Variants in SUFU observed in about 807,000 individuals in gnomAD.
SUFU encodes the protein SUFU negative regulator of hedgehog signaling, also known as suppressor of fused homolog.
Under a neutral mutation model 58.9 loss-of-function variants are expected in SUFU, and 7 were observed. The ratio of observed to expected loss-of-function variants is 0.12; its 90% CI spans 0.07 to 0.22. The LOEUF (loss-of-function observed/expected upper bound fraction) is 0.22. Ranked by LOEUF, SUFU falls within the 10% of genes least tolerant of loss-of-function variation. The pLI is 1.00. For missense variants in SUFU, 451 were observed against 641.3 expected (o/e 0.70, Z 3.20); for synonymous variants, 232 against 254.8 (o/e 0.91, Z 0.85).
intron 2 of SUFU, among the ~76,000 whole-genome samples, chr10:102,540,681 A>G (rs531614992): frequency 6.6e-6 from 1 of 151,330 alleles, no homozygotes; most frequent in South Asian, 2.1e-4. Flanking sequence ...CTAAATAAAT[A>G]CTATACCCGT....
At position 102,572,850 on chromosome 10, in the gene SUFU, G is replaced by A. The variant is rs977332497; in HGVS notation, c.455-19732G>A. On this transcript the variant is annotated intron_variant, in intron 3 of 11. Transcript: ENST00000369902. ...TCTTCTCTCCATCACGCTGAATCAG[G>A]GTGTTGACCTTGGTCACATCAGTGT... The A allele has an allele frequency of 9.9e-6, 8 of 804,116 alleles. No homozygotes were observed. The Admixed American group carries it at 1.4e-4, about 14-fold the overall frequency. 49.8% of individuals were successfully genotyped at this position (804,116 alleles called of 1,614,324 possible).
At chr10:102,545,664 A>G (rs1182682755) in intron 2 of SUFU, among the ~76,000 whole-genome samples, 1 of 152,054 alleles carries the variant, frequency 6.6e-6, no homozygotes, top group Non-Finnish European at 1.5e-5. Flanking sequence ...TGTGGTTTTG[A>G]TTTGCATTTC....
At chr10:102,536,902 C>T (rs2062746145) in intron 2 of SUFU, among the ~76,000 whole-genome samples, 1 of 152,010 alleles carries the variant, frequency 6.6e-6, no homozygotes, top group Admixed American at 6.6e-5. Context: ...CTTCTGCCTC[C>T]TGGGCTCCAC....
chr10:102,547,086 A>G (rs2062863287), intron 2 of SUFU, among the ~76,000 whole-genome samples: 1 of 152,214 alleles, frequency 6.6e-6, no homozygotes, highest in African/African-American at 2.4e-5. Flanking sequence ...TCTGTTTCTC[A>G]AGTTTTTGTG....
In SUFU at chr10:102,536,745, A is replaced by C. The variant is rs560960018; in HGVS notation, c.318-13225A>C. On this transcript the variant is annotated intron_variant, in intron 2 of 11. Transcript: ENST00000369902. ...ACATTTTGAATCATACTTTATGTTGAATTTTGTTTTGTGTTTTTTCATAAC... is the reference window on the plus strand; with the variant it reads ...ACATTTTGAATCATACTTTATGTTGCATTTTGTTTTGTGTTTTTTCATAAC... Among the ~76,000 whole-genome samples the C allele has an allele frequency of 1.1e-4, 16 of 152,166 alleles. No homozygotes were observed. The East Asian group carries it at 3.1e-3, about 29-fold the overall frequency.
chr10:102,524,509 A>G (rs780590409), intron 2 of SUFU, among the ~76,000 whole-genome samples: 13 of 151,474 alleles, frequency 8.6e-5, no homozygotes, highest in Non-Finnish European at 1.8e-4. Flanking sequence ...TATTTTTTGT[A>G]GAGACGGGGT....
intron 2 of SUFU, among the ~76,000 whole-genome samples, chr10:102,538,455 T>G (rs140738932): frequency 6.6e-6 from 1 of 152,324 alleles, no homozygotes; most frequent in African/African-American, 2.4e-5. Context: ...TTCCAGGTGC[T>G]GTTCTAAGTG....
intron 2 of SUFU, among the ~76,000 whole-genome samples, chr10:102,535,092 G>A (rs1211578381): frequency 2.0e-5 from 3 of 152,178 alleles, no homozygotes; most frequent in Non-Finnish European, 4.4e-5. Flanking sequence ...AAGGAGAAGG[G>A]CTGGTTGGAA....
rs754485815 is a variant in SUFU, at chr10:102,592,735, G to A, written c.597+11G>A. 6.2e-7 allele frequency: 1 copy of A among 1,613,780 alleles called. No individual in the cohort carries two copies. The highest frequency in any genetic ancestry group is 8.5e-7 in the Non-Finnish European group (1 of 1,180,042). On this transcript the variant is annotated intron_variant, in intron 4 of 11. Transcript: ENST00000369902. ...GTTACCTTCCTCCAGGTGAGGCACAGGTTGGACGCTGGCTCAAGCCTTCCT... is the reference window on the plus strand; with the variant it reads ...GTTACCTTCCTCCAGGTGAGGCACAAGTTGGACGCTGGCTCAAGCCTTCCT...
In SUFU at chr10:102,628,298, T is replaced by C. The variant is rs892123226; in HGVS notation, c.1365+1055T>C. On this transcript the variant is annotated intron_variant, in intron 11 of 11. Transcript: ENST00000369902. The surrounding 1 kb of genome is among the most constrained non-coding windows in gnomAD (Gnocchi z 4.5). ...GGGACCGTCCAGTCCAGGTCTCCAG[T>C]TGGACAGGAACTCCCCAGAGCCAGG... 9.8e-5 allele frequency among the ~76,000 whole-genome samples: 15 copies of C among 152,290 alleles called. No individual in the cohort carries two copies. Among genetic ancestry groups the C allele is most frequent in the Admixed American group, 2.6e-4 (4 of 15,302 alleles).
chr10:102,547,646 G>A (rs902543764), intron 2 of SUFU, among the ~76,000 whole-genome samples: 14 of 152,162 alleles, frequency 9.2e-5, no homozygotes, highest in African/African-American at 2.9e-4. Context: ...AATGTGTTGA[G>A]ACCTGTCTCT....
At chr10:102,504,957 G>C (rs146428095) in intron 1 of SUFU, among the ~76,000 whole-genome samples, 1 of 152,160 alleles carries the variant, frequency 6.6e-6, no homozygotes, top group Non-Finnish European at 1.5e-5. Flanking sequence ...TGACGGAGCA[G>C]CTCTTCCTGA....
intron 1 of SUFU, among the ~76,000 whole-genome samples, chr10:102,505,726 C>T (rs1038494075): frequency 3.3e-5 from 5 of 152,170 alleles, no homozygotes; most frequent in South Asian, 4.1e-4. Flanking sequence ...TCAGAGTAGA[C>T]GGGAGGAGGT....
At chr10:102,563,042 A>G (rs1590032738) in intron 3 of SUFU, among the ~76,000 whole-genome samples, 1 of 152,116 alleles carries the variant, frequency 6.6e-6, no homozygotes, top group South Asian at 2.1e-4. Flanking sequence ...GCCCTGGAGA[A>G]CTTCCTATAG....
intron 8 of SUFU, among the ~76,000 whole-genome samples, chr10:102,612,332 A>G (rs879555344): frequency 9.2e-5 from 14 of 152,096 alleles, no homozygotes; most frequent in Admixed American, 9.2e-4. Flanking sequence ...TAAAAGATTA[A>G]AGTACAGTTT....
At chr10:102,620,709 C>T (rs1405769610) in intron 10 of SUFU, among the ~76,000 whole-genome samples, 1 of 152,184 alleles carries the variant, frequency 6.6e-6, no homozygotes, top group Non-Finnish European at 1.5e-5. Context: ...TCTGCTCCTG[C>T]ACCTCCTTCC....
chr10:102,605,667 C>T (rs551573570), intron 8 of SUFU, among the ~76,000 whole-genome samples: 4 of 152,272 alleles, frequency 2.6e-5, no homozygotes, highest in East Asian at 3.9e-4. Flanking sequence ...CCCTCTCCCT[C>T]GATCCCACAG....
At chr10:102,591,998 A>G (rs1201406819) in intron 3 of SUFU, among the ~76,000 whole-genome samples, 1 of 152,138 alleles carries the variant, frequency 6.6e-6, no homozygotes, top group Admixed American at 6.5e-5. Flanking sequence ...ACGGTGTGGG[A>G]GGCACTATTT....
At position 102,552,728 on chromosome 10, in the gene SUFU, C is replaced by A. The variant is rs138387421; in HGVS notation, c.454+2622C>A. Among the ~76,000 whole-genome samples the A allele has an allele frequency of 7.2e-5, 11 of 152,208 alleles. No homozygotes were observed. The South Asian group carries it at 2.3e-3, about 32-fold the overall frequency. ...CTAGAGATAAAGGCTAAAGTATTAA[C>A]GGATAAAAGGACCTGATGTCTTTAA... On this transcript the variant is annotated intron_variant, in intron 3 of 11. Coordinates refer to ENST00000369902, the MANE Select transcript of SUFU (RefSeq NM_016169.4).
Sources: allele counts gnomAD v4.1 joint callset (sites outside exome capture counted in the v4.1 genomes callset), GRCh38; gene constraint gnomAD v4.1.1; non-coding constraint Gnocchi (gnomAD v3.1); transcripts MANE v1.5; gene names NCBI Gene and HGNC (gene_info 2026-07-23, HGNC 2026-07-21).